Variants in HMGA2 observed in about 807,000 individuals in gnomAD.
The protein encoded by HMGA2 is high mobility group protein HMGI-C.
In HMGA2, 8 loss-of-function variants were observed where a neutral mutation model predicts 19.1. The ratio of observed to expected loss-of-function variants is 0.42; its 90% CI spans 0.25 to 0.76. The LOEUF (loss-of-function observed/expected upper bound fraction) is 0.76. Ranked by LOEUF, HMGA2 falls within the 30% of genes least tolerant of loss-of-function variation. HMGA2 has a pLI of 0.28. For missense variants in HMGA2, 109 were observed against 136.3 expected, an observed-to-expected ratio of 0.80 and a Z score of 1.00; for synonymous variants, 60 against 48.8, an observed-to-expected ratio of 1.23 and a Z score of -0.96.
chr12:65,862,300 C>CACACACACAT, intron 3 of HMGA2, among the ~76,000 whole-genome samples: 1 of 150,178 alleles, frequency 6.7e-6, no homozygotes, highest in East Asian at 1.9e-4. Flanking sequence ...CACACACACA[C>CACACACACAT]ACACACATTC....
intron 3 of HMGA2, among the ~76,000 whole-genome samples, chr12:65,883,156 G>A (rs1022917597): frequency 2.0e-5 from 3 of 152,168 alleles, no homozygotes; most frequent in Non-Finnish European, 4.4e-5. Flanking sequence ...TTCCTAAGAG[G>A]CTGAAGGCTT....
In HMGA2 at chr12:65,834,887, G is replaced by A. The variant is rs558810028; in HGVS notation, c.199-3632G>A. 2.4e-3 allele frequency among the ~76,000 whole-genome samples: 360 copies of A among 152,276 alleles called. 3 individuals carry two copies. Among genetic ancestry groups the A allele is most frequent in the African/African-American group, 8.1e-3 (335 of 41,542 alleles). Reference sequence around the variant, plus strand: ...GCTTCTAAATATATCATAAAATTAAGTGTACAGTTTTGAATCTGAAGTTTA... The same window carrying A: ...GCTTCTAAATATATCATAAAATTAAATGTACAGTTTTGAATCTGAAGTTTA... On this transcript the variant is annotated intron_variant, in intron 2 of 4. Coordinates refer to ENST00000403681, the MANE Select transcript of HMGA2 (RefSeq NM_003483.6).
intron 4 of HMGA2, chr12:65,957,430 A>G (rs968231484): frequency 4.6e-5 from 7 of 152,140 alleles, no homozygotes; most frequent in African/African-American, 1.4e-4. Flanking sequence ...CCTTGAGCCC[A>G]GGAGTTTGAG....
chr12:65,946,211 A>AATCTACAT (rs1404062772), intron 3 of HMGA2, among the ~76,000 whole-genome samples: 2 of 152,238 alleles, frequency 1.3e-5, no homozygotes, highest in Admixed American at 1.3e-4. Context: ...AATGGAAAAC[A>AATCTACAT]ATCTACATGA....
At chr12:65,865,659 G>A (rs1280272382) in intron 3 of HMGA2, among the ~76,000 whole-genome samples, 2 of 136,498 alleles carry the variant, frequency 1.5e-5, no homozygotes, top group African/African-American at 2.8e-5. Flanking sequence ...TTTTGAGACA[G>A]AGTCTCGCTC....
At chr12:65,907,686 A>T (rs1379253358) in intron 3 of HMGA2, among the ~76,000 whole-genome samples, 1 of 152,156 alleles carries the variant, frequency 6.6e-6, no homozygotes, top group African/African-American at 2.4e-5. Context: ...ACGTTTAGGG[A>T]AATTGGTGAT....
intron 3 of HMGA2, among the ~76,000 whole-genome samples, chr12:65,941,465 T>C (rs1876090053): frequency 6.6e-6 from 1 of 152,180 alleles, no homozygotes. Flanking sequence ...AATATTAAGC[T>C]TCCTCCAAGA....
intron 3 of HMGA2, among the ~76,000 whole-genome samples, chr12:65,851,837 G>A (rs887600685): frequency 1.5e-4 from 23 of 152,140 alleles, no homozygotes; most frequent in African/African-American, 5.3e-4. Flanking sequence ...CACTACGTTC[G>A]TGATGAAAGG....
intron 3 of HMGA2, among the ~76,000 whole-genome samples, chr12:65,879,569 AT>A (rs1332326815): frequency 1.3e-5 from 2 of 152,226 alleles, no homozygotes; most frequent in African/African-American, 4.8e-5. Context: ...AAAGTGTGTT[AT>A]GACATTTTTT....
At chr12:65,952,219 T>A (rs900057301) in intron 4 of HMGA2, 1 of 639,158 alleles carries the variant, frequency 1.6e-6, no homozygotes, top group Non-Finnish European at 2.7e-6. Flanking sequence ...GGTATCATGC[T>A]GAACCTGCTA....
intron 3 of HMGA2, chr12:65,859,027 A>G (rs1871902322): frequency 6.6e-6 from 1 of 152,230 alleles, no homozygotes; most frequent in Non-Finnish European, 1.5e-5. Flanking sequence ...TTTATCTGTC[A>G]TCAGTTGGTG....
At chr12:65,842,251 A>G in intron 3 of HMGA2, 1 of 564,848 alleles carries the variant, frequency 1.8e-6, no homozygotes, top group East Asian at 5.5e-5. Flanking sequence ...CTCATCTGCA[A>G]AAGGTATATT....
chr12:65,945,825 T>C (rs943717407), intron 3 of HMGA2, among the ~76,000 whole-genome samples: 5 of 152,206 alleles, frequency 3.3e-5, no homozygotes, highest in Admixed American at 2.6e-4. Flanking sequence ...GATTAAGTAA[T>C]AGGTCTATGT....
intron 3 of HMGA2, among the ~76,000 whole-genome samples, chr12:65,914,387 G>A (rs1246286641): frequency 4.6e-5 from 7 of 150,876 alleles, no homozygotes; most frequent in Admixed American, 2.0e-4. Context: ...GTAAACTATC[G>A]CAAGAACAAA....
intron 3 of HMGA2, among the ~76,000 whole-genome samples, chr12:65,909,269 G>A (rs1041309554): frequency 6.6e-6 from 1 of 152,082 alleles, no homozygotes; most frequent in Admixed American, 6.5e-5. Context: ...ATTTCTGCTG[G>A]GAACTGCCCC....
intron 3 of HMGA2, among the ~76,000 whole-genome samples, chr12:65,913,640 G>A (rs1008536337): frequency 1.3e-5 from 2 of 152,168 alleles, no homozygotes; most frequent in African/African-American, 4.8e-5. Context: ...GGGTGTAATT[G>A]AAAGAATATG....
At chr12:65,932,240 A>G (rs1014250176) in intron 3 of HMGA2, among the ~76,000 whole-genome samples, 1 of 152,188 alleles carries the variant, frequency 6.6e-6, no homozygotes, top group Non-Finnish European at 1.5e-5. Flanking sequence ...ATTGCCTTCA[A>G]ATTTTAACTT....
At chr12:65,947,168 G>T (rs561159085) in intron 3 of HMGA2, among the ~76,000 whole-genome samples, 1 of 151,972 alleles carries the variant, frequency 6.6e-6, no homozygotes, top group African/African-American at 2.4e-5. Flanking sequence ...CACCCAGGCG[G>T]GAGTGCAATG....
intron 3 of HMGA2, among the ~76,000 whole-genome samples, chr12:65,887,433 G>T (rs1422161406): frequency 6.6e-6 from 1 of 151,998 alleles, no homozygotes; most frequent in African/African-American, 2.4e-5. Context: ...CTAAAAATAT[G>T]AAAATTAGCC....
Sources: allele counts gnomAD v4.1 joint callset (sites outside exome capture counted in the v4.1 genomes callset), GRCh38; gene constraint gnomAD v4.1.1; transcripts MANE v1.5; gene names NCBI Gene and HGNC (gene_info 2026-07-23, HGNC 2026-07-21).